IL6R: variants seen among roughly 807,000 people sequenced by gnomAD.
IL6R encodes the protein interleukin-6 receptor subunit alpha.
Under a neutral mutation model 48.3 loss-of-function variants are expected in IL6R, and 38 were observed. The observed-to-expected ratio is 0.79, with a 90% confidence interval of 0.61 to 1.03. The LOEUF is 1.03. IL6R is among the 50% of genes least tolerant of loss of function. The pLI is 0.00. For synonymous variants in IL6R, 264 were observed against 256.2 expected, an observed-to-expected ratio of 1.03 and a Z score of -0.29; for missense variants, 534 against 618.3, an observed-to-expected ratio of 0.86 and a Z score of 1.45.
At chr1:154,446,810 G>GT (rs144995264) in intron 6 of IL6R, among the ~76,000 whole-genome samples, 1,580 of 152,202 alleles carry the variant, frequency 0.01, 13 homozygotes, top group Non-Finnish European at 0.016. Context: ...CTGGTGATGT[G>GT]TATCTTTCCA....
intron 6 of IL6R, among the ~76,000 whole-genome samples, chr1:154,442,083 A>G (rs1445002622): frequency 6.6e-6 from 1 of 152,166 alleles, no homozygotes; most frequent in Non-Finnish European, 1.5e-5. Context: ...CCTGGATGCC[A>G]TCGTGAACTC....
chr1:154,438,863 G>A (rs1689780003), intron 6 of IL6R, among the ~76,000 whole-genome samples: 1 of 152,302 alleles, frequency 6.6e-6, no homozygotes, highest in African/African-American at 2.4e-5. Context: ...ATCAAGGACA[G>A]GAGGCAGCTT....
intron 1 of IL6R, among the ~76,000 whole-genome samples, chr1:154,421,312 T>TA (rs1688650661): frequency 6.6e-6 from 1 of 152,176 alleles, no homozygotes; most frequent in Non-Finnish European, 1.5e-5. Context: ...AGCCTGCACA[T>TA]ACTTTTGACA....
At chr1:154,409,099 C>A (rs779672610) in intron 1 of IL6R, among the ~76,000 whole-genome samples, 16 of 152,144 alleles carry the variant, frequency 1.1e-4, no homozygotes, top group Non-Finnish European at 2.2e-4. Flanking sequence ...GTTTGCACTA[C>A]CGAATTCCAG....
Position 154,430,474 on chromosome 1 carries a change from T to A in IL6R, c.335-9T>A, listed in dbSNP as rs758575085. The A allele has an allele frequency of 6.2e-7, 1 of 1,612,396 alleles. No individual in the cohort carries two copies. Among genetic ancestry groups the A allele is most frequent in the Admixed American group, 1.7e-5 (1 of 59,536 alleles). ...CCGCCTGCTGACACCTGCAATGCTT[T>A]CCTTTCAGTTCCCCCCGAGGAGCCC... is the stretch of plus-strand genomic sequence containing the variant. On this transcript the variant is annotated splice_polypyrimidine_tract_variant and intron_variant, in intron 2 of 9. Transcript: ENST00000368485.
At chr1:154,426,485 C>T (rs111266048) in intron 1 of IL6R, among the ~76,000 whole-genome samples, 5,142 of 149,448 alleles carry the variant, frequency 0.034, 197 homozygotes, top group African/African-American at 0.097. Flanking sequence ...CGCGCCATTG[C>T]ACTCCAGCCT....
Position 154,430,579 on chromosome 1 carries a change from CA to C in IL6R, c.434del (p.Lys145ArgfsTer6). 6.2e-7 allele frequency: 1 copy of C among 1,614,226 alleles called. No individual in the cohort carries two copies. Among genetic ancestry groups the C allele is most frequent in the Non-Finnish European group, 8.5e-7 (1 of 1,180,034 alleles). ...CCTCGGAGCACCCCATCCCTGACGACAAAGGCTGTGCTCTTGGTGAGGAAGT... is the reference window on the plus strand; with the variant it reads ...CCTCGGAGCACCCCATCCCTGACGACAAGGCTGTGCTCTTGGTGAGGAAGT... The part of the protein sequence containing the change: ...WGPRSTPSLT[T>X]KAVLLVRKFQ... On this transcript the variant is annotated frameshift_variant, in exon 3 of 10. Coordinates refer to ENST00000368485, the MANE Select transcript of IL6R (RefSeq NM_000565.4). LOFTEE classifies it high-confidence loss of function.
intron 3 of IL6R, among the ~76,000 whole-genome samples, chr1:154,431,156 G>A (rs1420017575): frequency 6.6e-6 from 1 of 152,194 alleles, no homozygotes; most frequent in Admixed American, 6.5e-5. Flanking sequence ...GGGGCCGTGG[G>A]GGGAGAAGTC....
intron 1 of IL6R, among the ~76,000 whole-genome samples, chr1:154,410,274 A>T (rs1687947868): frequency 6.6e-6 from 1 of 151,080 alleles, no homozygotes; most frequent in African/African-American, 2.4e-5. Context: ...TTTTAAATAC[A>T]GGATCTTACT....
At chr1:154,445,752 A>AAG (rs948615283) in intron 6 of IL6R, among the ~76,000 whole-genome samples, 1 of 151,246 alleles carries the variant, frequency 6.6e-6, no homozygotes, top group Non-Finnish European at 1.5e-5. Context: ...TCGGTCTCAA[A>AAG]AAAAAAAAAA....
rs1313236857 is a variant in IL6R, at chr1:154,458,849, C to T, written c.1160+4268C>T. Among the ~76,000 whole-genome samples the T allele has an allele frequency of 1.9e-4, 28 of 150,240 alleles. 1 individual carries two copies. Among genetic ancestry groups the T allele is most frequent in the Admixed American group, 1.9e-3 (28 of 15,056 alleles). ...CCGGGAGGCAGAGGTTGCAGTGAGC[C>T]GAGATCGCGCCACTGCACTCCAGCC... On this transcript the variant is annotated intron_variant, in intron 9 of 9. Transcript: ENST00000368485.
intron 6 of IL6R, among the ~76,000 whole-genome samples, chr1:154,445,567 G>T (rs943222154): frequency 6.6e-6 from 1 of 152,052 alleles, no homozygotes; most frequent in African/African-American, 2.4e-5. Flanking sequence ...TGGCTAACAC[G>T]GTGAAACCCC....
intron 3 of IL6R, among the ~76,000 whole-genome samples, chr1:154,433,734 AT>A (rs34926346): frequency 9.5e-5 from 14 of 147,942 alleles, no homozygotes; most frequent in South Asian, 2.1e-4. Context: ...TTATTGCTCA[AT>A]TTTTTTTTTT....
chr1:154,439,292 G>T (rs76093405), intron 6 of IL6R, among the ~76,000 whole-genome samples: 1 of 152,098 alleles, frequency 6.6e-6, no homozygotes, highest in African/African-American at 2.4e-5. Context: ...ATTGTAAAAT[G>T]TACATAAGAT....
intron 1 of IL6R, among the ~76,000 whole-genome samples, chr1:154,415,696 C>T (rs1168934367): frequency 6.6e-6 from 1 of 152,138 alleles, no homozygotes; most frequent in Non-Finnish European, 1.5e-5. Flanking sequence ...TAAAATGTAT[C>T]AGCCGGGTGC....
intron 3 of IL6R, among the ~76,000 whole-genome samples, chr1:154,431,312 C>T (rs74709806): frequency 0.02 from 3,070 of 152,296 alleles, 105 homozygotes; most frequent in African/African-American, 0.069. Context: ...ATCCCAGAGC[C>T]ACAGTCTCCC....
At position 154,449,953 on chromosome 1, in the gene IL6R, G is replaced by C; in HGVS notation, c.1039G>C (p.Asp347His). The change falls in exon 8 of 10, where the codon GAT becomes CAT. Residue 347 changes from aspartate (D) to histidine (H), a missense_variant. By Grantham distance (81) the Asp-to-His change is moderately conservative. Coordinates refer to ENST00000368485, the MANE Select transcript of IL6R (RefSeq NM_000565.4). ...AGACGATGATAATATTCTCTTCAGAGATTCTGCAAATGCGACAAGCCTCCC... is the reference window on the plus strand; with the variant it reads ...AGACGATGATAATATTCTCTTCAGACATTCTGCAAATGCGACAAGCCTCCC... ...NKDDDNILFRDSANATSLPVQ... is the reference protein window; with the variant it reads ...NKDDDNILFRHSANATSLPVQ... 1 of 1,610,758 alleles carries C rather than the reference G, an allele frequency of 6.2e-7. No homozygotes were observed. The highest frequency in any genetic ancestry group is 1.3e-5 in the African/African-American group (1 of 74,972).
In IL6R at chr1:154,465,886, A is replaced by C. The variant is rs1691531126; in HGVS notation, c.*506A>C. 6.4e-6 allele frequency: 1 copy of C among 157,310 alleles called. No homozygotes were observed. The allele number at this position is 157,310 out of a possible 1,614,324, so 9.7% of individuals were successfully genotyped here. A position where few individuals can be genotyped will look rare whatever the true frequency, so the allele number is the denominator to read the frequency against. On this transcript the variant is annotated 3_prime_UTR_variant, in exon 10 of 10. Transcript: ENST00000368485. ...GTGCCTTAGCAAATTCTGTTTTTCT[A>C]GGCCTGGGGACGGCTTTTACTTAAA... is the stretch of plus-strand genomic sequence containing the variant.
chr1:154,423,260 A>AATATATATATATATATGTATATATAT lies in IL6R; in HGVS notation c.86-5920_86-5919insGTATATATATATATATATATATATAT, dbSNP rs1333454415. 2.3e-5 allele frequency among the ~76,000 whole-genome samples: 2 copies of AATATATATATATATATGTATATATAT among 85,476 alleles called. 1 individual carries two copies. Among genetic ancestry groups the AATATATATATATATATGTATATATAT allele is most frequent in the East Asian group, 6.6e-4 (2 of 3,032 alleles). The allele number at this position is 85,476 out of a possible 152,430, so 56.1% of individuals were successfully genotyped here. On this transcript the variant is annotated intron_variant, in intron 1 of 9. Transcript: ENST00000368485. Reference sequence around the variant, plus strand: ...CCAGGCTATGTAGCTTGTTTAATTAAATATATATATATATATATATATATG... The same window carrying AATATATATATATATATGTATATATAT: ...CCAGGCTATGTAGCTTGTTTAATTAAATATATATATATATATGTATATATATATATATATATATATATATATATATG...
Sources: allele counts gnomAD v4.1 joint callset (sites outside exome capture counted in the v4.1 genomes callset), GRCh38; gene constraint gnomAD v4.1.1; transcripts MANE v1.5; gene names NCBI Gene and HGNC (gene_info 2026-07-23, HGNC 2026-07-21).